The following EXOC6B variants were observed in gnomAD, a reference collection of about 807,000 sequenced individuals.
EXOC6B encodes the protein exocyst complex component 6B, also known as SEC15 homolog B.
In EXOC6B, 54 loss-of-function variants were observed where a neutral mutation model predicts 113.5. That is an observed-to-expected ratio of 0.48 (90% confidence interval 0.38 to 0.60). The LOEUF is 0.60. Among genes scored for constraint, EXOC6B ranks in the 20% least tolerant of loss-of-function variants. The pLI is 0.00. For synonymous variants in EXOC6B, 357 were observed against 339.0 expected (o/e 1.05, Z -0.58); for missense variants, 797 against 977.5 (o/e 0.82, Z 2.46).
intron 6 of EXOC6B, among the ~76,000 whole-genome samples, chr2:72,604,588 C>T (rs1409532041): frequency 6.6e-6 from 1 of 151,920 alleles, no homozygotes; most frequent in Admixed American, 6.6e-5. Context: ...GTTATAAATC[C>T]CAGAGAGTGA....
At chr2:72,740,698 G>C (rs1358489188) in intron 2 of EXOC6B, among the ~76,000 whole-genome samples, 1 of 152,164 alleles carries the variant, frequency 6.6e-6, no homozygotes, top group African/African-American at 2.4e-5. Context: ...CTTTTATCCA[G>C]CAAGGAAACA....
rs527627534 is a variant in EXOC6B, at chr2:72,769,707, G to C, written c.114-28238C>G. 3.2e-3 allele frequency among the ~76,000 whole-genome samples: 492 copies of C among 152,316 alleles called. 2 individuals are homozygous for C. The highest frequency in any genetic ancestry group is 0.011 in the African/African-American group (469 of 41,570). ...CGTGCCTGTAATCCCAGCTACTCGAGAGGCTGAGACAGGAGAATTGCTTGA... is the reference window on the plus strand; with the variant it reads ...CGTGCCTGTAATCCCAGCTACTCGACAGGCTGAGACAGGAGAATTGCTTGA... On this transcript the variant is annotated intron_variant, in intron 1 of 21. Coordinates refer to ENST00000272427, the MANE Select transcript of EXOC6B (RefSeq NM_015189.3).
At chr2:72,186,318 C>T (rs940622809) in intron 20 of EXOC6B, among the ~76,000 whole-genome samples, 1 of 152,190 alleles carries the variant, frequency 6.6e-6, no homozygotes, top group African/African-American at 2.4e-5. Flanking sequence ...GGAATTGCCA[C>T]ACTGTAGCAT....
intron 18 of EXOC6B, among the ~76,000 whole-genome samples, chr2:72,387,771 AAT>A (rs555871422): frequency 1.4e-3 from 217 of 152,180 alleles, no homozygotes; most frequent in Non-Finnish European, 2.3e-3. Context: ...TTTTTTAAAA[AAT>A]AGTGTTTTAT....
At chr2:72,308,872 A>T (rs1687037155) in intron 20 of EXOC6B, among the ~76,000 whole-genome samples, 1 of 152,140 alleles carries the variant, frequency 6.6e-6, no homozygotes, top group African/African-American at 2.4e-5. Flanking sequence ...TATTAGTAGG[A>T]AAAGAAAGGA....
intron 5 of EXOC6B, among the ~76,000 whole-genome samples, chr2:72,725,279 C>A (rs572360826): frequency 6.6e-6 from 1 of 152,266 alleles, no homozygotes; most frequent in South Asian, 2.1e-4. Context: ...GTCTTATAAA[C>A]TAATGAAACT....
At chr2:72,658,007 A>AATAT (rs201592898) in intron 6 of EXOC6B, among the ~76,000 whole-genome samples, 1 of 149,352 alleles carries the variant, frequency 6.7e-6, no homozygotes, top group South Asian at 2.1e-4. Context: ...AATTTGAAGA[A>AATAT]ATATATATAT....
intron 20 of EXOC6B, among the ~76,000 whole-genome samples, chr2:72,197,232 T>C (rs369834137): frequency 2.0e-5 from 3 of 152,146 alleles, no homozygotes; most frequent in Non-Finnish European, 4.4e-5. Flanking sequence ...CTCCATTTTA[T>C]AGATAAAGAA....
chr2:72,474,341 T>G (rs1055668419), intron 17 of EXOC6B, among the ~76,000 whole-genome samples: 8 of 152,170 alleles, frequency 5.3e-5, no homozygotes, highest in African/African-American at 1.9e-4. Context: ...CATCTCTTAC[T>G]GCATTAAGTA....
intron 18 of EXOC6B, among the ~76,000 whole-genome samples, chr2:72,445,500 C>T (rs1036151522): frequency 1.3e-5 from 2 of 151,936 alleles, no homozygotes; most frequent in South Asian, 2.1e-4. Context: ...AAGACATACC[C>T]GAGACTAGAG....
rs1686868209 is a variant in EXOC6B, at chr2:72,825,774, C to T, written c.113+24G>A. ...CCCCGTCCCGCCCGTTCCCGCCCCT[C>T]TGTGGTCCCGGCACCCGGGGTACCT... On this transcript the variant is annotated intron_variant, in intron 1 of 21. Transcript: ENST00000272427. The surrounding 1 kb of genome is among the most constrained non-coding windows in gnomAD (Gnocchi z 4.4). 2 of 1,608,840 alleles carry T rather than the reference C, an allele frequency of 1.2e-6. No homozygotes were observed. Among genetic ancestry groups the T allele is most frequent in the African/African-American group, 1.3e-5 (1 of 74,874 alleles).
At position 72,424,065 on chromosome 2, in the gene EXOC6B, G is replaced by C. The variant is rs79914909; in HGVS notation, c.1980+41095C>G. Reference sequence around the variant, plus strand: ...TGCAAATTGTTTTTGTCTTTTCTATGTCAGGTTTTGTATCAATATTATGTT... The same window carrying C: ...TGCAAATTGTTTTTGTCTTTTCTATCTCAGGTTTTGTATCAATATTATGTT... On this transcript the variant is annotated intron_variant, in intron 18 of 21. Transcript: ENST00000272427. Among the ~76,000 whole-genome samples the C allele has an allele frequency of 7.3e-3, 1,105 of 152,120 alleles. 16 individuals are homozygous for C. Among genetic ancestry groups the C allele is most frequent in the African/African-American group, 0.026 (1,070 of 41,518 alleles).
At chr2:72,593,475 T>C (rs1260196540) in intron 6 of EXOC6B, among the ~76,000 whole-genome samples, 2 of 152,130 alleles carry the variant, frequency 1.3e-5, no homozygotes, top group Non-Finnish European at 2.9e-5. Context: ...GACATTCAGT[T>C]GATGTTCAGA....
At chr2:72,695,849 C>T (rs1005845320) in intron 6 of EXOC6B, among the ~76,000 whole-genome samples, 2 of 152,186 alleles carry the variant, frequency 1.3e-5, no homozygotes, top group Non-Finnish European at 2.9e-5. Flanking sequence ...CTCTAAGGCT[C>T]ACTCCAGTGC....
intron 20 of EXOC6B, among the ~76,000 whole-genome samples, chr2:72,309,419 G>A (rs988156313): frequency 2.6e-5 from 4 of 152,008 alleles, no homozygotes; most frequent in Admixed American, 6.5e-5. Context: ...TCGTTTACTC[G>A]CTAATCCAAC....
chr2:72,307,161 G>GTTTTTGTTTTTTTTTTTTTTTTTTTTTT lies in EXOC6B; in HGVS notation c.2196+27785_2196+27786insAAAAAAAAAAAAAAAAAAAAAACAAAAA, dbSNP rs758906963. The stretch of plus-strand genomic sequence containing the variant: ...TCCATGACTGCAATGGTATAGTCCA[G>GTTTTTGTTTTTTTTTTTTTTTTTTTTTT]TTTTTTTTTTTTTGAGACGGAGTCT... On this transcript the variant is annotated intron_variant, in intron 20 of 21. Transcript: ENST00000272427. Among the ~76,000 whole-genome samples the GTTTTTGTTTTTTTTTTTTTTTTTTTTTT allele has an allele frequency of 3.8e-4, 49 of 128,486 alleles. 1 individual carries two copies. Among genetic ancestry groups the GTTTTTGTTTTTTTTTTTTTTTTTTTTTT allele is most frequent in the African/African-American group, 1.4e-3 (36 of 26,200 alleles). 84.3% of individuals were successfully genotyped at this position (128,486 alleles called of 152,430 possible). A position where few individuals can be genotyped will look rare whatever the true frequency, so the allele number is the denominator to read the frequency against.
intron 6 of EXOC6B, among the ~76,000 whole-genome samples, chr2:72,656,871 G>T (rs946520413): frequency 1.3e-5 from 2 of 151,904 alleles, no homozygotes; most frequent in African/African-American, 4.8e-5. Flanking sequence ...TTATTTTTGA[G>T]ACGGAGTTTC....
At chr2:72,293,751 A>G (rs576221432) in intron 20 of EXOC6B, among the ~76,000 whole-genome samples, 2 of 152,250 alleles carry the variant, frequency 1.3e-5, no homozygotes, top group South Asian at 4.1e-4. Context: ...AAGAGCATTA[A>G]TTTTCTTTTC....
intron 8 of EXOC6B, among the ~76,000 whole-genome samples, chr2:72,554,969 T>C (rs1382907217): frequency 1.3e-5 from 2 of 151,976 alleles, no homozygotes; most frequent in African/African-American, 4.8e-5. Flanking sequence ...TGTGTTCTCA[T>C]TGTTCAACTC....
Sources: gnomAD v4.1 joint callset for allele counts (sites outside exome capture counted in the v4.1 genomes callset) on GRCh38, gnomAD v4.1.1 for gene constraint, Gnocchi (gnomAD v3.1) non-coding constraint, MANE v1.5 for transcripts, NCBI Gene and HGNC (gene_info 2026-07-23, HGNC 2026-07-21) for gene names.